The following GRK5 variants were observed in gnomAD, a reference collection of about 807,000 sequenced individuals.
GRK5 encodes G protein-coupled receptor kinase 5.
Under a neutral mutation model 78.4 loss-of-function variants are expected in GRK5, and 40 were observed. That is an observed-to-expected ratio of 0.51 (90% CI 0.40 to 0.66). The LOEUF (loss-of-function observed/expected upper bound fraction) is 0.66, where lower values mean the gene tolerates loss of function less well. GRK5 is among the 30% of genes least tolerant of loss of function. The pLI is 0.00. For missense variants in GRK5, 598 were observed against 759.9 expected (o/e 0.79, Z 2.50); for synonymous variants, 289 against 296.8 (o/e 0.97, Z 0.27).
intron 1 of GRK5, among the ~76,000 whole-genome samples, chr10:119,276,818 C>A (rs912597828): frequency 1.3e-5 from 2 of 152,304 alleles, no homozygotes; most frequent in African/African-American, 4.8e-5. Flanking sequence ...CGGGGATGGA[C>A]TTTTGGGAGT....
intron 2 of GRK5, among the ~76,000 whole-genome samples, chr10:119,350,865 A>G (rs1018050996): frequency 6.6e-6 from 1 of 152,228 alleles, no homozygotes; most frequent in Non-Finnish European, 1.5e-5. Context: ...GACAGCCCTC[A>G]GAATGTGCTG....
At chr10:119,417,240 A>C (rs1336892510) in intron 4 of GRK5, among the ~76,000 whole-genome samples, 1 of 152,194 alleles carries the variant, frequency 6.6e-6, no homozygotes, top group African/African-American at 2.4e-5. Context: ...TCCCGGATTC[A>C]GTGCTGAGTG....
chr10:119,219,585 C>T (rs1848630394), intron 1 of GRK5, among the ~76,000 whole-genome samples: 1 of 152,014 alleles, frequency 6.6e-6, no homozygotes, highest in Non-Finnish European at 1.5e-5. Flanking sequence ...GCCTTGGGGT[C>T]ACAATAGATG....
chr10:119,213,452 A>G (rs574357295), intron 1 of GRK5, among the ~76,000 whole-genome samples: 1 of 152,300 alleles, frequency 6.6e-6, no homozygotes, highest in South Asian at 2.1e-4. Flanking sequence ...TGGAGATTGC[A>G]GTGAGCCAGT....
rs756096937 is a variant in GRK5 at position 119,448,255 on chromosome 10, C to G, written c.1399C>G (p.Pro467Ala). Reference sequence around the variant, plus strand: ...CGGGATGTTGGACCCTCCCTTCGTTCCAGACGTGAGTAGCCTCCCCCAGCC... The same window carrying G: ...CGGGATGTTGGACCCTCCCTTCGTTGCAGACGTGAGTAGCCTCCCCCAGCC... ...EAGMLDPPFV[P>A]DPRAVYCKDV... The change falls in exon 13 of 16, where the codon CCA (proline) becomes GCA (alanine). Residue 467 changes from proline to alanine, a missense_variant. Physicochemically the swap from Pro to Ala is conservative, Grantham distance 27. Transcript: ENST00000392870. 6.3e-7 allele frequency: 1 copy of G among 1,592,764 alleles called. No individual in the cohort carries two copies. The highest frequency in any genetic ancestry group is 1.8e-5 in the Admixed American group (1 of 55,894).
intron 2 of GRK5, chr10:119,333,546 G>A (rs1212679641): frequency 3.0e-6 from 1 of 330,404 alleles, no homozygotes; most frequent in African/African-American, 2.2e-5. Context: ...GCCCAGGAGA[G>A]CCAGGTCCCT....
chr10:119,319,311 C>T (rs574387785), intron 1 of GRK5, among the ~76,000 whole-genome samples: 42 of 152,314 alleles, frequency 2.8e-4, no homozygotes, highest in Non-Finnish European at 4.3e-4. Context: ...AGTGGCAGCC[C>T]GAGCCATGAA....
chr10:119,319,310 C>T (rs1850544979), intron 1 of GRK5, among the ~76,000 whole-genome samples: 1 of 152,190 alleles, frequency 6.6e-6, no homozygotes, highest in Non-Finnish European at 1.5e-5. Context: ...CAGTGGCAGC[C>T]CGAGCCATGA....
At chr10:119,231,549 T>TA (rs1164443356) in intron 1 of GRK5, among the ~76,000 whole-genome samples, 8 of 149,916 alleles carry the variant, frequency 5.3e-5, no homozygotes, top group East Asian at 3.9e-4. Context: ...CTACTAAAAA[T>TA]AAAAAAAATT....
At chr10:119,235,913 T>TTA (rs1848917168) in intron 1 of GRK5, among the ~76,000 whole-genome samples, 1 of 152,186 alleles carries the variant, frequency 6.6e-6, no homozygotes, top group East Asian at 1.9e-4. Flanking sequence ...CAAAGGCTAA[T>TTA]GGAGGTTTAC....
intron 4 of GRK5, among the ~76,000 whole-genome samples, chr10:119,420,954 C>T (rs1247478529): frequency 6.6e-6 from 1 of 152,206 alleles, no homozygotes; most frequent in African/African-American, 2.4e-5. Context: ...AGGGTGGGTC[C>T]TTCCTAGGTG....
At chr10:119,370,321 A>C (rs1851526336) in intron 2 of GRK5, among the ~76,000 whole-genome samples, 1 of 152,128 alleles carries the variant, frequency 6.6e-6, no homozygotes, top group Non-Finnish European at 1.5e-5. Context: ...TCCAAGTGCC[A>C]CCAAACTTTG....
At chr10:119,320,395 G>C (rs541202284) in intron 1 of GRK5, among the ~76,000 whole-genome samples, 2 of 152,346 alleles carry the variant, frequency 1.3e-5, no homozygotes, top group South Asian at 4.1e-4. Flanking sequence ...CTGGGTCTGG[G>C]AGTCCAGCAG....
intron 2 of GRK5, among the ~76,000 whole-genome samples, chr10:119,350,755 G>T (rs1287126763): frequency 1.3e-5 from 2 of 152,170 alleles, no homozygotes; most frequent in Non-Finnish European, 2.9e-5. Flanking sequence ...TGAGTTTCAT[G>T]GACACGTTTG....
intron 1 of GRK5, among the ~76,000 whole-genome samples, chr10:119,295,721 G>A (rs552408144): frequency 1.2e-3 from 182 of 151,950 alleles, no homozygotes; most frequent in African/African-American, 4.1e-3. Flanking sequence ...ACCAAACATC[G>A]TATGTTCTCA....
intron 3 of GRK5, among the ~76,000 whole-genome samples, chr10:119,394,775 G>C (rs1486212568): frequency 9.1e-5 from 13 of 142,238 alleles, no homozygotes; most frequent in African/African-American, 8.2e-5. Flanking sequence ...ATCTGTGTGT[G>C]TGTGGGCACG....
At chr10:119,239,547 T>C (rs973002002) in intron 1 of GRK5, among the ~76,000 whole-genome samples, 28 of 152,128 alleles carry the variant, frequency 1.8e-4, no homozygotes, top group Non-Finnish European at 3.4e-4. Flanking sequence ...GGTTTATTAT[T>C]ATATTTTAAG....
intron 3 of GRK5, among the ~76,000 whole-genome samples, chr10:119,387,312 A>G (rs1352257918): frequency 2.0e-5 from 3 of 152,114 alleles, no homozygotes; most frequent in Non-Finnish European, 4.4e-5. Flanking sequence ...CCTTCTGTGC[A>G]GTCTTAATGT....
intron 2 of GRK5, among the ~76,000 whole-genome samples, chr10:119,328,363 T>A (rs1298907051): frequency 6.6e-6 from 1 of 152,124 alleles, no homozygotes; most frequent in African/African-American, 2.4e-5. Context: ...TGACTAGCCA[T>A]TTCCTCATGG....
Sources: allele counts gnomAD v4.1 joint callset (sites outside exome capture counted in the v4.1 genomes callset), GRCh38; gene constraint gnomAD v4.1.1; transcripts MANE v1.5; gene names NCBI Gene and HGNC (gene_info 2026-07-23, HGNC 2026-07-21).